GATAD2B: variants seen among roughly 807,000 people sequenced by gnomAD.
GATAD2B encodes GATA zinc finger domain containing 2B.
A neutral mutation model predicts 64.3 loss-of-function variants in GATAD2B; 8 were observed. That is an observed-to-expected ratio of 0.12 (90% CI 0.07 to 0.22). The LOEUF (loss-of-function observed/expected upper bound fraction) is 0.22, where lower values mean the gene tolerates loss of function less well. Ranked by LOEUF, GATAD2B falls within the 10% of genes least tolerant of loss-of-function variation. The pLI, the probability that GATAD2B is intolerant of heterozygous loss-of-function variation, is 1.00. For synonymous variants in GATAD2B, 281 were observed against 271.3 expected, an observed-to-expected ratio of 1.04 and a Z score of -0.35; for missense variants, 453 against 752.0, an observed-to-expected ratio of 0.60 and a Z score of 4.65.
At chr1:153,815,285 AAAAAAAAC>A (rs1674433682) in intron 7 of GATAD2B, among the ~76,000 whole-genome samples, 11 of 140,030 alleles carry the variant, frequency 7.9e-5, no homozygotes, top group African/African-American at 2.3e-4. Flanking sequence ...AAAAACAAAA[AAAAAAAAC>A]AAAAAAAAAA....
At chr1:153,843,438 CA>C (rs150739276) in intron 1 of GATAD2B, among the ~76,000 whole-genome samples, 11 of 148,098 alleles carry the variant, frequency 7.4e-5, no homozygotes, top group African/African-American at 1.7e-4. Context: ...GCGACATTTA[CA>C]AAAAAAAAAG....
intron 1 of GATAD2B, chr1:153,852,276 T>C: frequency 8.3e-7 from 1 of 1,198,050 alleles, no homozygotes; most frequent in Non-Finnish European, 1.2e-6. Flanking sequence ...CTTCATTTTC[T>C]GCAGCTGCCC....
In GATAD2B at chr1:153,910,414, A is replaced by G. The variant is rs575078862; in HGVS notation, c.-2+12319T>C. ...TTACACCTTTGGTATAATATTCAATAAATTACATAAGATATCCAACACTTT... is the reference window on the plus strand; with the variant it reads ...TTACACCTTTGGTATAATATTCAATGAATTACATAAGATATCCAACACTTT... On this transcript the variant is annotated intron_variant, in intron 1 of 10. Coordinates refer to ENST00000368655, the MANE Select transcript of GATAD2B (RefSeq NM_020699.4). Among the ~76,000 whole-genome samples, 11 of 152,328 alleles carry G rather than the reference A, an allele frequency of 7.2e-5. No individual in the cohort carries two copies. In the South Asian group the frequency reaches 1.7e-3, roughly 23 times the overall value.
chr1:153,862,957 C>A (rs1676362556), intron 1 of GATAD2B, among the ~76,000 whole-genome samples: 1 of 150,980 alleles, frequency 6.6e-6, no homozygotes, highest in South Asian at 2.1e-4. Flanking sequence ...CTCCCGACCT[C>A]AGGTGATCTG....
intron 1 of GATAD2B, among the ~76,000 whole-genome samples, chr1:153,919,431 G>A (rs975792088): frequency 3.9e-5 from 6 of 152,152 alleles, no homozygotes; most frequent in African/African-American, 1.4e-4. Flanking sequence ...GTAAAAGATG[G>A]AACATGAGGA....
rs1450157136 is a variant in GATAD2B at position 153,806,562 on chromosome 1, T to A, written c.*3615A>T. ...CAAACGGGCACATTACAAAATGACA[T>A]AACACAGTTTCACAATATCCATGGC... On this transcript the variant is annotated 3_prime_UTR_variant, in exon 11 of 11. Transcript: ENST00000368655. The A allele has an allele frequency of 6.7e-6, 1 of 150,166 alleles. No individual in the cohort carries two copies. The highest frequency in any genetic ancestry group is 1.5e-5 in the Non-Finnish European group (1 of 67,648). 9.3% of individuals were successfully genotyped at this position (150,166 alleles called of 1,614,324 possible).
chr1:153,845,085 G>C (rs753405506), intron 1 of GATAD2B, among the ~76,000 whole-genome samples: 44 of 152,128 alleles, frequency 2.9e-4, no homozygotes, highest in Non-Finnish European at 1.0e-4. Context: ...AAAAAGTTAC[G>C]CAGAGAAATG....
intron 1 of GATAD2B, among the ~76,000 whole-genome samples, chr1:153,842,283 T>C (rs1675524187): frequency 1.3e-5 from 2 of 152,252 alleles, no homozygotes; most frequent in African/African-American, 4.8e-5. Flanking sequence ...GAAACTTCTG[T>C]TCATGTCTTT....
At position 153,817,154 on chromosome 1, in the gene GATAD2B, C is replaced by T. The variant is rs371186588; in HGVS notation, c.900+218G>A. 7.9e-5 allele frequency among the ~76,000 whole-genome samples: 12 copies of T among 152,332 alleles called. No homozygotes were observed. In the East Asian group the frequency reaches 2.1e-3, roughly 27 times the overall value. On this transcript the variant is annotated intron_variant, in intron 6 of 10. Coordinates refer to ENST00000368655, the MANE Select transcript of GATAD2B (RefSeq NM_020699.4). ...TTCTAGGCAGATTTTTAGCTTACTG[C>T]TGCTCTGCTGTATAACCTCTCTCCT... is the stretch of plus-strand genomic sequence containing the variant.
intron 1 of GATAD2B, among the ~76,000 whole-genome samples, chr1:153,846,829 G>C (rs1427785094): frequency 1.3e-5 from 2 of 152,044 alleles, no homozygotes; most frequent in African/African-American, 4.8e-5. Flanking sequence ...CAAGTGCTGG[G>C]ATTACAGGCG....
intron 1 of GATAD2B, among the ~76,000 whole-genome samples, chr1:153,901,157 T>C (rs933498425): frequency 3.3e-5 from 5 of 151,064 alleles, no homozygotes; most frequent in Non-Finnish European, 7.4e-5. Context: ...GAGGTTGCAG[T>C]AAGCCGCCAT....
Position 153,816,382 on chromosome 1 carries a change from G to T in GATAD2B, c.1107C>A (p.Pro369=), listed in dbSNP as rs780573307. The part of the protein sequence containing the change: ...QLEKTLLEIP[P]PKPPAPLLHF... ...GAAGTAAGGGAGCAGGAGGTTTAGG[G>T]GGTGGGATCTCCAGGAGTGTCTTTT... Residue 369 remains proline (P), a synonymous_variant, in exon 7 of 11, where the codon CCC becomes CCA. Transcript: ENST00000368655. The surrounding 1 kb of genome is among the most constrained non-coding windows in gnomAD (Gnocchi z 4.9). The T allele has an allele frequency of 6.2e-6, 10 of 1,613,748 alleles. No homozygotes were observed. In the East Asian group the frequency reaches 2.0e-4, roughly 32 times the overall value.
chr1:153,810,413 G>C, intron 10 of GATAD2B, 103 bp from the exon 11 acceptor site: 1 of 1,124,330 alleles, frequency 8.9e-7, no homozygotes, highest in Non-Finnish European at 1.3e-6. Context: ...AAAGGAAGCA[G>C]AATTTACCAG....
At position 153,817,546 on chromosome 1, in the gene GATAD2B, G is replaced by C. The variant is rs754909786; in HGVS notation, c.730-4C>G. 7.6e-6 allele frequency: 12 copies of C among 1,581,674 alleles called. No individual in the cohort carries two copies. Among genetic ancestry groups the C allele is most frequent in the South Asian group, 5.8e-5 (5 of 85,962 alleles). On this transcript the variant is annotated splice_region_variant and splice_polypyrimidine_tract_variant and intron_variant, in intron 5 of 10. Transcript: ENST00000368655. ...CTGAACGGATGACACTGTGACCCTGGAGGGGAAGAAGAGGAAAAGAACTAA... is the reference window on the plus strand; with the variant it reads ...CTGAACGGATGACACTGTGACCCTGCAGGGGAAGAAGAGGAAAAGAACTAA...
chr1:153,920,743 C>G (rs1244172410), intron 1 of GATAD2B, among the ~76,000 whole-genome samples: 2 of 152,186 alleles, frequency 1.3e-5, no homozygotes, highest in Non-Finnish European at 2.9e-5. Flanking sequence ...CTCACCTCTA[C>G]TCAAACTGGG....
chr1:153,841,570 G>A (rs540705936), intron 1 of GATAD2B, among the ~76,000 whole-genome samples: 1 of 152,224 alleles, frequency 6.6e-6, no homozygotes, highest in Admixed American at 6.5e-5. Flanking sequence ...TTTAGGACTG[G>A]CCTTTTTCAC....
At chr1:153,872,181 T>C (rs1294592902) in intron 1 of GATAD2B, among the ~76,000 whole-genome samples, 1 of 151,478 alleles carries the variant, frequency 6.6e-6, no homozygotes, top group African/African-American at 2.4e-5. Flanking sequence ...TAGCTGGGTG[T>C]GGTAGCGTGT....
chr1:153,893,955 TAAAAAAAAAAAA>T (rs57287798), intron 1 of GATAD2B, among the ~76,000 whole-genome samples: 3 of 68,632 alleles, frequency 4.4e-5, no homozygotes, highest in East Asian at 8.6e-4. Context: ...AGACTCCATC[TAAAAAAAAAAAA>T]AAAAAAAAAA....
intron 1 of GATAD2B, among the ~76,000 whole-genome samples, chr1:153,902,245 C>A (rs554478400): frequency 1.3e-5 from 2 of 151,802 alleles, no homozygotes; most frequent in African/African-American, 4.8e-5. Flanking sequence ...TGCGCCACTG[C>A]GCTCCAGCCT....
Sources: allele counts gnomAD v4.1 joint callset (sites outside exome capture counted in the v4.1 genomes callset), GRCh38; gene constraint gnomAD v4.1.1; non-coding constraint Gnocchi (gnomAD v3.1); transcripts MANE v1.5; gene names NCBI Gene and HGNC (gene_info 2026-07-23, HGNC 2026-07-21).